Variants in COL17A1 observed in about 807,000 individuals in gnomAD.
COL17A1 encodes the protein collagen type XVII alpha 1 chain.
COL17A1 carries 181 observed loss-of-function variants against 218.4 expected under a neutral mutation model. The observed-to-expected ratio is 0.83, with a 90% CI of 0.73 to 0.94. The LOEUF (loss-of-function observed/expected upper bound fraction) is 0.94, where lower values mean the gene tolerates loss of function less well. Ranked by LOEUF, COL17A1 falls within the 40% of genes least tolerant of loss-of-function variation. COL17A1 has a pLI of 0.00. For synonymous variants in COL17A1, 721 were observed against 731.0 expected (o/e 0.99, Z 0.22); for missense variants, 1,924 against 1,945.9 (o/e 0.99, Z 0.21).
At chr10:104,035,407 T>C in intron 49 of COL17A1, 34 bp from the exon 50 acceptor site, 1 of 1,613,596 alleles carries the variant, frequency 6.2e-7, no homozygotes, top group Non-Finnish European at 8.5e-7. Flanking sequence ...GAGTCAGTCC[T>C]GGCCTGGGCC....
chr10:104,066,639 T>C (rs1415007749), intron 9 of COL17A1, among the ~76,000 whole-genome samples: 3 of 152,208 alleles, frequency 2.0e-5, no homozygotes, highest in Non-Finnish European at 4.4e-5. Context: ...CATAACACGC[T>C]TGCCTCCACT....
intron 14 of COL17A1, among the ~76,000 whole-genome samples, 178 bp downstream of exon 14, chr10:104,059,941 A>C (rs1172017807): frequency 6.6e-6 from 1 of 152,112 alleles, no homozygotes; most frequent in African/African-American, 2.4e-5. Flanking sequence ...GAATTTTCTC[A>C]GCTCATCTGC....
intron 8 of COL17A1, among the ~76,000 whole-genome samples, chr10:104,070,892 G>A (rs187041822): frequency 1.2e-3 from 189 of 152,276 alleles, no homozygotes; most frequent in Middle Eastern, 0.01. Context: ...TCTAGGATCA[G>A]GCAGTTAGAG....
chr10:104,061,795 C>G (rs979422842), intron 12 of COL17A1, among the ~76,000 whole-genome samples: 4 of 152,108 alleles, frequency 2.6e-5, no homozygotes, highest in Non-Finnish European at 4.4e-5. Context: ...CTCTCGTTGT[C>G]TCATGTGTGT....
At chr10:104,076,172 AGAAAT>A in intron 5 of COL17A1, 124 bp downstream of exon 5, 1 of 1,434,426 alleles carries the variant, frequency 7.0e-7, no homozygotes. Flanking sequence ...AGTCCATAAA[AGAAAT>A]GAAGGAGGAG....
At chr10:104,054,856 C>T in intron 20 of COL17A1, 125 bp downstream of exon 20, 9 of 1,469,422 alleles carry the variant, frequency 6.1e-6, no homozygotes, top group Non-Finnish European at 8.4e-6. Context: ...CCTCCTCACA[C>T]ACCTGTCCCA....
chr10:104,036,124 GTGTGT>G (rs2086292793), intron 48 of COL17A1, among the ~76,000 whole-genome samples: 1 of 145,330 alleles, frequency 6.9e-6, no homozygotes, highest in South Asian at 2.3e-4. Context: ...GTATGGGAGT[GTGTGT>G]ATATGTGTGT....
At chr10:104,061,810 C>G (rs2086585336) in intron 12 of COL17A1, among the ~76,000 whole-genome samples, 1 of 152,172 alleles carries the variant, frequency 6.6e-6, no homozygotes, top group Non-Finnish European at 1.5e-5. Context: ...GTGTGTTAGA[C>G]TTTCTCTTCC....
intron 22 of COL17A1, 63 bp downstream of exon 22, chr10:104,053,857 G>T: frequency 1.0e-6 from 1 of 970,946 alleles, no homozygotes. Flanking sequence ...GGCACTTAAT[G>T]AATGTTTATT....
chr10:104,037,873 C>G, intron 45 of COL17A1, 100 bp from the exon 46 acceptor site: 2 of 1,462,272 alleles, frequency 1.4e-6, no homozygotes, highest in Non-Finnish European at 1.9e-6. Context: ...CTGCCCCGCC[C>G]CACACATGGG....
At chr10:104,037,580 CA>C (rs2086312982) in intron 46 of COL17A1, 55 bp downstream of exon 46, 33 of 1,608,578 alleles carry the variant, frequency 2.1e-5, no homozygotes, top group Non-Finnish European at 2.8e-5. Context: ...GCTCTGGGAG[CA>C]AAAGCAGACC....
chr10:104,078,582 G>C lies in COL17A1; in HGVS notation c.57C>G (p.Val19=). 1 of 1,614,118 alleles carries C rather than the reference G, an allele frequency of 6.2e-7. No individual in the cohort carries two copies. ...TAAGTCTTGTGGTTACTGTTTCAGT[G>C]ACAACTAGAAAAAGACAAAGAAAAG... ...RDGTEVTERI[V]TETVTTRLTS... is the part of the protein sequence containing the mutation. The change falls in exon 3 of 56, where the codon GTC becomes GTG. Residue 19 remains valine, a synonymous_variant. Coordinates refer to ENST00000648076, the MANE Select transcript of COL17A1 (RefSeq NM_000494.4).
At chr10:104,067,405 T>A (rs1345762649) in intron 9 of COL17A1, among the ~76,000 whole-genome samples, 4 of 150,174 alleles carry the variant, frequency 2.7e-5, no homozygotes, top group Non-Finnish European at 5.9e-5. Flanking sequence ...CTTTTAAAGG[T>A]TAATTTTATG....
intron 18 of COL17A1, 96 bp downstream of exon 18, chr10:104,055,686 G>T (rs918910529): frequency 2.6e-6 from 4 of 1,516,658 alleles, no homozygotes; most frequent in Non-Finnish European, 3.6e-6. Context: ...AGAGTGGGCC[G>T]GATGATGGTG....
intron 1 of COL17A1, among the ~76,000 whole-genome samples, chr10:104,084,816 G>A (rs921428139): frequency 4.6e-5 from 7 of 152,176 alleles, no homozygotes; most frequent in African/African-American, 1.7e-4. Flanking sequence ...ACATATGGAG[G>A]TAAGAAGAAA....
In COL17A1 at chr10:104,049,411, A is replaced by T; in HGVS notation, c.2225T>A (p.Met742Lys). 6.2e-7 allele frequency: 1 copy of T among 1,614,124 alleles called. No homozygotes were observed. The highest frequency in any genetic ancestry group is 8.5e-7 in the Non-Finnish European group (1 of 1,179,984). ...ATCCATTCCTTTGGAACACTTACCC[A>T]TTGCTCCTTTAGCCCCGGGCTCACC... ...AVGEPGAKGA[M>K]GPAGPDGHQG... Residue 742 changes from methionine to lysine, a missense_variant and splice_region_variant, in exon 29 of 56, where the codon ATG (methionine) becomes AAG (lysine). Coordinates refer to ENST00000648076, the MANE Select transcript of COL17A1 (RefSeq NM_000494.4).
At position 104,039,332 on chromosome 10, in the gene COL17A1, C is replaced by G. The variant is rs929756434; in HGVS notation, c.2896+113G>C. 3.2e-6 allele frequency: 4 copies of G among 1,268,956 alleles called. No homozygotes were observed. In the South Asian group the frequency reaches 3.7e-5, roughly 12 times the overall value. The allele number at this position is 1,268,956 out of a possible 1,614,324, so 78.6% of individuals were successfully genotyped here. ...GCCTTTCCTTCCTCCAGCCTCTTCT[C>G]TCTCCCAAGACTTTACACTGATGAG... is the stretch of plus-strand genomic sequence containing the variant. On this transcript the variant is annotated intron_variant, in intron 43 of 55. Transcript: ENST00000648076.
chr10:104,058,265 T>C, intron 15 of COL17A1, 75 bp from the exon 16 acceptor site: 1 of 1,592,462 alleles, frequency 6.3e-7, no homozygotes, highest in Non-Finnish European at 8.6e-7. Flanking sequence ...GTAGCCATTT[T>C]TTTATTCCTT....
intron 26 of COL17A1, 51 bp from the exon 27 acceptor site, chr10:104,050,707 A>G: frequency 6.2e-7 from 1 of 1,614,160 alleles, no homozygotes; most frequent in Non-Finnish European, 8.5e-7. Flanking sequence ...AGGGACAACC[A>G]GGAAGGGGCA....
Sources: gnomAD v4.1 joint callset for allele counts (sites outside exome capture counted in the v4.1 genomes callset) on GRCh38, gnomAD v4.1.1 for gene constraint, MANE v1.5 for transcripts, NCBI Gene and HGNC (gene_info 2026-07-23, HGNC 2026-07-21) for gene names.